Variants in FBXL17 observed in about 807,000 individuals in gnomAD.
FBXL17 encodes F-box and leucine rich repeat protein 17.
A neutral mutation model predicts 66.2 loss-of-function variants in FBXL17; 22 were observed. The observed-to-expected ratio is 0.33, with a 90% CI of 0.24 to 0.47. The LOEUF (loss-of-function observed/expected upper bound fraction) is 0.47. Ranked by LOEUF, FBXL17 falls within the 20% of genes least tolerant of loss-of-function variation. FBXL17 has a pLI of 1.00. For missense variants in FBXL17, 878 were observed against 948.2 expected (o/e 0.93, Z 0.97); for synonymous variants, 474 against 400.5 (o/e 1.18, Z -2.19).
At chr5:108,103,421 T>C (rs928306521) in intron 6 of FBXL17, among the ~76,000 whole-genome samples, 1 of 152,172 alleles carries the variant, frequency 6.6e-6, no homozygotes, top group African/African-American at 2.4e-5. Context: ...TCAAAAACAA[T>C]ACATTTATTT....
intron 4 of FBXL17, among the ~76,000 whole-genome samples, chr5:108,303,828 T>G (rs191753639): frequency 1.3e-5 from 2 of 152,096 alleles, no homozygotes; most frequent in East Asian, 3.9e-4. Flanking sequence ...ATCATTCTGA[T>G]GACTAATAGA....
At chr5:108,268,534 A>C (rs1408456706) in intron 4 of FBXL17, among the ~76,000 whole-genome samples, 1 of 151,968 alleles carries the variant, frequency 6.6e-6, no homozygotes. Flanking sequence ...ATTGCAGAAC[A>C]CCTGATTCCT....
intron 7 of FBXL17, among the ~76,000 whole-genome samples, chr5:107,930,664 A>G (rs909140842): frequency 4.6e-5 from 7 of 152,248 alleles, no homozygotes; most frequent in African/African-American, 1.7e-4. Context: ...TAAATGGAAG[A>G]ACACAAAAGA....
Position 108,135,415 on chromosome 5 carries a change from CA to C in FBXL17, c.1745+50701del, listed in dbSNP as rs1369025430. Reference sequence around the variant, plus strand: ...TACATGTAAAAGGGTAAGAATTATGCAAGCATCTGGATCCTGATGAGAAACC... The same window carrying C: ...TACATGTAAAAGGGTAAGAATTATGCAGCATCTGGATCCTGATGAGAAACC... On this transcript the variant is annotated intron_variant, in intron 6 of 8. Coordinates refer to ENST00000542267, the MANE Select transcript of FBXL17 (RefSeq NM_001163315.3). 7.9e-5 allele frequency among the ~76,000 whole-genome samples: 12 copies of C among 152,222 alleles called. No individual in the cohort carries two copies. The East Asian group carries it at 2.3e-3, about 29-fold the overall frequency.
intron 4 of FBXL17, among the ~76,000 whole-genome samples, chr5:108,246,515 A>T (rs1756104493): frequency 1.3e-5 from 2 of 152,116 alleles, no homozygotes; most frequent in East Asian, 1.9e-4. Flanking sequence ...TCAAAAAAAT[A>T]AAAAAAGGGC....
intron 6 of FBXL17, among the ~76,000 whole-genome samples, chr5:108,031,719 C>T (rs1746650504): frequency 6.6e-6 from 1 of 152,148 alleles, no homozygotes; most frequent in East Asian, 1.9e-4. Flanking sequence ...TGGTTAGCAA[C>T]ATAATACAGT....
intron 6 of FBXL17, among the ~76,000 whole-genome samples, chr5:108,037,052 T>TATAA (rs1187193437): frequency 6.6e-6 from 1 of 152,102 alleles, no homozygotes; most frequent in Non-Finnish European, 1.5e-5. Context: ...GGGTTTAAAA[T>TATAA]ATAAATAATA....
intron 6 of FBXL17, among the ~76,000 whole-genome samples, chr5:108,170,608 A>G (rs1752572298): frequency 6.6e-6 from 1 of 152,088 alleles, no homozygotes; most frequent in South Asian, 2.1e-4. Flanking sequence ...ATCTCAGATC[A>G]CTGCAACTTC....
At chr5:108,221,514 CT>C (rs1361843238) in intron 5 of FBXL17, among the ~76,000 whole-genome samples, 1 of 152,144 alleles carries the variant, frequency 6.6e-6, no homozygotes, top group Non-Finnish European at 1.5e-5. Context: ...ATTTTATGCT[CT>C]TTGCCTCTCT....
chr5:107,926,438 A>G (rs1279468820), intron 7 of FBXL17, among the ~76,000 whole-genome samples: 3 of 152,116 alleles, frequency 2.0e-5, no homozygotes, highest in Non-Finnish European at 2.9e-5. Context: ...TGATTATACT[A>G]GTTATAATCC....
chr5:107,952,702 G>A (rs1394227200), intron 7 of FBXL17, among the ~76,000 whole-genome samples: 1 of 152,192 alleles, frequency 6.6e-6, no homozygotes. Flanking sequence ...AGAGATTGAA[G>A]CAAGGCTAGC....
chr5:108,267,883 A>G (rs948426353), intron 4 of FBXL17, among the ~76,000 whole-genome samples: 2 of 152,078 alleles, frequency 1.3e-5, no homozygotes, highest in Non-Finnish European at 2.9e-5. Context: ...TGAAAAACCA[A>G]TGTTCACGCC....
At position 108,344,649 on chromosome 5, in the gene FBXL17, C is replaced by T. The variant is rs937010284; in HGVS notation, c.1506+3750G>A. On this transcript the variant is annotated intron_variant, in intron 4 of 8. Transcript: ENST00000542267. ...TATAACAAATGGCAGGTAATCTATC[C>T]GACCTCATCGTTTTACAATGGAATA... Among the ~76,000 whole-genome samples the T allele has an allele frequency of 5.9e-5, 9 of 152,086 alleles. 1 individual carries two copies. The highest frequency in any genetic ancestry group is 2.1e-4 in the South Asian group (1 of 4,828).
At chr5:108,094,581 TCC>T (rs1749301732) in intron 6 of FBXL17, among the ~76,000 whole-genome samples, 1 of 152,042 alleles carries the variant, frequency 6.6e-6, no homozygotes, top group African/African-American at 2.4e-5. Flanking sequence ...ATTTACAACT[TCC>T]CCATTCATGT....
intron 6 of FBXL17, among the ~76,000 whole-genome samples, chr5:108,164,431 T>C (rs937894466): frequency 1.3e-5 from 2 of 152,162 alleles, no homozygotes; most frequent in African/African-American, 2.4e-5. Flanking sequence ...TAGGCTGTAG[T>C]TCTGCTTTAT....
chr5:108,349,807 A>G (rs1747526683), intron 3 of FBXL17, among the ~76,000 whole-genome samples: 1 of 152,202 alleles, frequency 6.6e-6, no homozygotes, highest in South Asian at 2.1e-4. Flanking sequence ...TAACTGGCCC[A>G]TGGAGAGAAT....
chr5:108,107,289 C>T lies in FBXL17; in HGVS notation c.1745+78828G>A, dbSNP rs553729515. On this transcript the variant is annotated intron_variant, in intron 6 of 8. Coordinates refer to ENST00000542267, the MANE Select transcript of FBXL17 (RefSeq NM_001163315.3). Reference sequence around the variant, plus strand: ...GTTTCTCCATGTTGGTCAGGCTGGTCTCGAACTCCCGACCTCAGGTGATCC... The same window carrying T: ...GTTTCTCCATGTTGGTCAGGCTGGTTTCGAACTCCCGACCTCAGGTGATCC... Among the ~76,000 whole-genome samples the T allele has an allele frequency of 3.9e-5, 6 of 152,228 alleles. No individual in the cohort carries two copies. The East Asian group carries it at 5.8e-4, about 15-fold the overall frequency.
chr5:107,914,330 C>T (rs371056917), intron 7 of FBXL17, among the ~76,000 whole-genome samples: 2 of 152,070 alleles, frequency 1.3e-5, no homozygotes, highest in Admixed American at 1.3e-4. Flanking sequence ...CTGGAAATAC[C>T]CAAATTATGA....
Position 108,381,713 on chromosome 5 carries a change from G to C in FBXL17, c.-22C>G, listed in dbSNP as rs1051813867. ...CCATATAGAAGGCCCCGAGGAGGGG[G>C]ACCGGGACGGGAGGGAGGGAGACCC... On this transcript the variant is annotated 5_prime_UTR_variant, in exon 1 of 9. Coordinates refer to ENST00000542267, the MANE Select transcript of FBXL17 (RefSeq NM_001163315.3). 5 of 1,433,756 alleles carry C rather than the reference G, an allele frequency of 3.5e-6. No individual in the cohort carries two copies. The Middle Eastern group carries it at 6.2e-4, about 178-fold the overall frequency. The allele number at this position is 1,433,756 out of a possible 1,614,324, so 88.8% of individuals were successfully genotyped here.
Sources: gnomAD v4.1 joint callset for allele counts (sites outside exome capture counted in the v4.1 genomes callset) on GRCh38, gnomAD v4.1.1 for gene constraint, MANE v1.5 for transcripts, NCBI Gene and HGNC (gene_info 2026-07-23, HGNC 2026-07-21) for gene names.